Variants in ANK2 observed in about 807,000 individuals in gnomAD.
ANK2 encodes ankyrin-2.
A neutral mutation model predicts 360.5 loss-of-function variants in ANK2; 83 were observed. The ratio of observed to expected loss-of-function variants is 0.23; its 90% confidence interval spans 0.19 to 0.28. ANK2 has a LOEUF of 0.28. ANK2 is among the 10% of genes least tolerant of loss of function. The pLI is 1.00. For synonymous variants in ANK2, 1,740 were observed against 1,759.5 expected (o/e 0.99, Z 0.28); for missense variants, 4,201 against 4,795.7 (o/e 0.88, Z 3.66).
At chr4:113,104,376 A>G (rs1163235885) in intron 1 of ANK2, among the ~76,000 whole-genome samples, 1 of 152,234 alleles carries the variant, frequency 6.6e-6, no homozygotes, top group Non-Finnish European at 1.5e-5. Context: ...CTACAAATCT[A>G]GATAGTTGTT....
the ANK2 span, among the ~76,000 whole-genome samples, chr4:112,771,108 AT>A: frequency 6.6e-6 from 1 of 152,060 alleles, no homozygotes; most frequent in Non-Finnish European, 1.5e-5. Context: ...ATACACGTTT[AT>A]TTATTTATTA....
At chr4:113,072,742 A>ATTT (rs34098456) in intron 1 of ANK2, among the ~76,000 whole-genome samples, 1,042 of 74,138 alleles carry the variant, frequency 0.014, 19 homozygotes, top group African/African-American at 0.021. Flanking sequence ...ACTTGGCATA[A>ATTT]TTTTTTTTTT....
intron 17 of ANK2, among the ~76,000 whole-genome samples, chr4:113,279,217 T>C (rs1377858877): frequency 1.3e-5 from 2 of 152,200 alleles, no homozygotes; most frequent in Non-Finnish European, 2.9e-5. Flanking sequence ...CGTTCATTAA[T>C]TAAGCACAGC....
chr4:112,938,846 A>T (rs948766194), intron 2 of ANK2, among the ~76,000 whole-genome samples: 1 of 152,214 alleles, frequency 6.6e-6, no homozygotes, highest in African/African-American at 2.4e-5. Flanking sequence ...TTACCCTAGG[A>T]TGTAAACTCC....
rs1413274621 is a variant in ANK2, at chr4:113,151,241, CTTG to C, written c.85-23170_85-23168del. On this transcript the variant is annotated intron_variant, in intron 1 of 45. Coordinates refer to ENST00000357077, the MANE Select transcript of ANK2 (RefSeq NM_001148.6). Reference sequence around the variant, plus strand: ...ACCCTTACTGCAATTGCACACATTACTTGTTGTCGTAGTTCATTTGTGTAGCTA... The same window carrying C: ...ACCCTTACTGCAATTGCACACATTACTTGTCGTAGTTCATTTGTGTAGCTA... 22 of 793,052 alleles carry C rather than the reference CTTG, an allele frequency of 2.8e-5. No individual in the cohort carries two copies. In the African/African-American group the frequency reaches 3.5e-4, roughly 13 times the overall value. 49.1% of individuals were successfully genotyped at this position (793,052 alleles called of 1,614,324 possible).
chr4:113,095,124 C>A (rs2090439756), intron 1 of ANK2, among the ~76,000 whole-genome samples: 1 of 152,188 alleles, frequency 6.6e-6, no homozygotes, highest in Admixed American at 6.5e-5. Context: ...GAACTACCCT[C>A]TTCCAATGTT....
At chr4:113,045,739 C>T (rs1209592186), upstream of ANK2, among the ~76,000 whole-genome samples, 1 of 152,148 alleles carries the variant, frequency 6.6e-6, no homozygotes, top group African/African-American at 2.4e-5. Context: ...ATCATCATTG[C>T]TATTGTGCCT....
At chr4:112,721,445 G>A in the ANK2 span, among the ~76,000 whole-genome samples, 2,109 of 148,216 alleles carry the variant, frequency 0.014, 54 homozygotes, top group African/African-American at 0.048. Flanking sequence ...GGGAGGCTAA[G>A]GCAGGAAAAT....
chr4:113,346,222 A>T (rs1206374433), intron 35 of ANK2, among the ~76,000 whole-genome samples, 200 bp downstream of exon 35: 1 of 152,234 alleles, frequency 6.6e-6, no homozygotes, highest in East Asian at 1.9e-4. Flanking sequence ...ATTTCCACTT[A>T]AGAAAAAACG....
intron 1 of ANK2, among the ~76,000 whole-genome samples, chr4:112,834,229 A>G (rs2060502147): frequency 6.6e-6 from 1 of 152,220 alleles, no homozygotes; most frequent in Admixed American, 6.5e-5. Context: ...GATATTAAAA[A>G]TTATTAACTT....
At chr4:112,811,126 A>G in the ANK2 span, among the ~76,000 whole-genome samples, 1 of 151,196 alleles carries the variant, frequency 6.6e-6, no homozygotes, top group Non-Finnish European at 1.5e-5. Context: ...TTTAGTAGCG[A>G]TGGGGTTTCA....
At position 113,357,111 on chromosome 4, in the gene ANK2, A is replaced by G; in HGVS notation, c.8493A>G (p.Arg2831=). The G allele has an allele frequency of 6.2e-7, 1 of 1,614,112 alleles. No individual in the cohort carries two copies. The highest frequency in any genetic ancestry group is 1.3e-5 in the African/African-American group (1 of 75,036). Residue 2831 remains arginine, a synonymous_variant, in exon 38 of 46, where the codon AGA becomes AGG. Transcript: ENST00000357077. ...DTEGEELDVS[R]AESPQADCPS... is the part of the protein sequence containing the mutation. Reference sequence around the variant, plus strand: ...AGGGAGAAGAGCTTGATGTTTCTAGAGCAGAATCTCCACAAGCAGATTGCC... The same window carrying G: ...AGGGAGAAGAGCTTGATGTTTCTAGGGCAGAATCTCCACAAGCAGATTGCC...
At chr4:113,332,461 G>A (rs186312860) in intron 28 of ANK2, among the ~76,000 whole-genome samples, 12 of 152,294 alleles carry the variant, frequency 7.9e-5, no homozygotes, top group East Asian at 7.7e-4. Flanking sequence ...TGCATGTTCC[G>A]GATCCTGAAT....
chr4:113,003,334 G>A (rs1044866389), intron 2 of ANK2, among the ~76,000 whole-genome samples: 3 of 152,026 alleles, frequency 2.0e-5, no homozygotes, highest in Non-Finnish European at 2.9e-5. Flanking sequence ...TTTTTCCTAA[G>A]TTAATCTATA....
the ANK2 span, among the ~76,000 whole-genome samples, chr4:112,729,288 TGA>T: frequency 6.6e-6 from 1 of 151,792 alleles, no homozygotes; most frequent in Non-Finnish European, 1.5e-5. Flanking sequence ...TGAAGTTTTC[TGA>T]AAAAAAAATA....
chr4:113,348,302 G>A lies in ANK2; in HGVS notation c.4398G>A (p.Glu1466=). The A allele has an allele frequency of 6.2e-7, 1 of 1,613,338 alleles. No homozygotes were observed. The highest frequency in any genetic ancestry group is 8.5e-7 in the Non-Finnish European group (1 of 1,179,480). ...AATCAGAGTCAGATCAAGAACAGGA[G>A]GAAGAGGTAATTTTATGACAGTGTC... ...TKESESDQEQ[E]EEIDMTSEKN... The change falls in exon 36 of 46, where the codon GAG becomes GAA. Residue 1466 remains glutamate, a synonymous_variant. Transcript: ENST00000357077.
chr4:113,355,240 G>A lies in ANK2; in HGVS notation c.6622G>A (p.Glu2208Lys), dbSNP rs2095674287. ...TGGCAGTTCTGAAAGCCTAAAGAAT[G>A]AGGGGGTAGCCGGCTCTCCGTGTGG... Reference protein sequence around the residue: ...LDGSSESLKNEGVAGSPCGSL... With the variant: ...LDGSSESLKNKGVAGSPCGSL... Residue 2208 changes from glutamate to lysine, a missense_variant, in exon 38 of 46, where the codon GAG becomes AAG. Coordinates refer to ENST00000357077, the MANE Select transcript of ANK2 (RefSeq NM_001148.6). 2 of 1,614,042 alleles carry A rather than the reference G, an allele frequency of 1.2e-6. No individual in the cohort carries two copies.
intron 2 of ANK2, among the ~76,000 whole-genome samples, chr4:113,001,135 C>T (rs991455190): frequency 3.3e-5 from 5 of 151,862 alleles, no homozygotes; most frequent in Non-Finnish European, 7.4e-5. Flanking sequence ...AATTTGAGAC[C>T]AGCTTGGCCA....
chr4:113,085,573 C>G (rs2084286132), intron 1 of ANK2, among the ~76,000 whole-genome samples: 1 of 152,088 alleles, frequency 6.6e-6, no homozygotes, highest in Non-Finnish European at 1.5e-5. Context: ...TCCCAAAGTG[C>G]TGGGATTACA....
Sources: allele counts gnomAD v4.1 joint callset (sites outside exome capture counted in the v4.1 genomes callset), GRCh38; gene constraint gnomAD v4.1.1; transcripts MANE v1.5; gene names NCBI Gene and HGNC (gene_info 2026-07-23, HGNC 2026-07-21).